Variants in PPP1R9A observed in about 807,000 individuals in gnomAD.
The protein encoded by PPP1R9A is protein phosphatase 1 regulatory subunit 9A.
PPP1R9A carries 59 observed loss-of-function variants against 141.9 expected under a neutral mutation model. The observed-to-expected ratio is 0.42, with a 90% CI of 0.34 to 0.52. The LOEUF (loss-of-function observed/expected upper bound fraction) is 0.52. Among genes scored for constraint, PPP1R9A ranks in the 20% least tolerant of loss-of-function variants. The pLI is 0.10. For synonymous variants in PPP1R9A, 500 were observed against 569.7 expected (o/e 0.88, Z 1.74); for missense variants, 1,444 against 1,611.9 (o/e 0.90, Z 1.78).
intron 4 of PPP1R9A, among the ~76,000 whole-genome samples, chr7:95,145,330 T>G (rs774049939): frequency 1.4e-4 from 21 of 152,298 alleles, no homozygotes; most frequent in African/African-American, 4.8e-4. Flanking sequence ...ATATTGTTAG[T>G]GGTGAAGACC....
At chr7:95,194,488 C>T (rs923227714) in intron 5 of PPP1R9A, among the ~76,000 whole-genome samples, 6 of 151,644 alleles carry the variant, frequency 4.0e-5, no homozygotes, top group African/African-American at 1.5e-4. Context: ...AATACATAGA[C>T]AAATAAATAG....
intron 2 of PPP1R9A, among the ~76,000 whole-genome samples, chr7:95,085,405 G>C (rs1006054132): frequency 7.4e-6 from 1 of 134,472 alleles, no homozygotes; most frequent in Non-Finnish European, 1.6e-5. Context: ...CAGCAAAAAA[G>C]AAAAAAAAAT....
intron 2 of PPP1R9A, among the ~76,000 whole-genome samples, chr7:95,049,220 T>G (rs751487057): frequency 8.5e-5 from 13 of 152,132 alleles, no homozygotes; most frequent in Non-Finnish European, 1.8e-4. Context: ...ACTTCCAGGC[T>G]CCATATATTA....
At chr7:95,024,179 G>C (rs1806451462) in intron 2 of PPP1R9A, among the ~76,000 whole-genome samples, 1 of 152,120 alleles carries the variant, frequency 6.6e-6, no homozygotes, top group Non-Finnish European at 1.5e-5. Flanking sequence ...TCCATTTGCT[G>C]AGGAGTGTTT....
chr7:95,233,847 A>C (rs1796313002), intron 8 of PPP1R9A, among the ~76,000 whole-genome samples: 3 of 152,232 alleles, frequency 2.0e-5, no homozygotes, highest in Admixed American at 2.0e-4. Context: ...AGTGGATTTC[A>C]TACCAGGGAT....
chr7:95,025,047 G>A (rs1396693155), intron 2 of PPP1R9A, among the ~76,000 whole-genome samples: 1 of 151,982 alleles, frequency 6.6e-6, no homozygotes, highest in Non-Finnish European at 1.5e-5. Flanking sequence ...GCTTAGTTTG[G>A]CTGGGTATGA....
chr7:94,942,753 A>G (rs1795471687), intron 2 of PPP1R9A, among the ~76,000 whole-genome samples: 1 of 151,866 alleles, frequency 6.6e-6, no homozygotes, highest in Non-Finnish European at 1.5e-5. Flanking sequence ...GCAGTGAGCC[A>G]AGATCGCACC....
intron 2 of PPP1R9A, among the ~76,000 whole-genome samples, chr7:94,976,744 C>T (rs760924666): frequency 4.6e-5 from 7 of 152,030 alleles, no homozygotes; most frequent in Non-Finnish European, 1.0e-4. Context: ...GATGGGATGG[C>T]TGTTATTTTG....
At chr7:95,019,888 C>T (rs553810423) in intron 2 of PPP1R9A, among the ~76,000 whole-genome samples, 16 of 152,218 alleles carry the variant, frequency 1.1e-4, no homozygotes, top group South Asian at 2.1e-4. Flanking sequence ...TGTGCCCATA[C>T]AGAAATTTGT....
At chr7:95,116,416 A>G (rs1166495134) in intron 3 of PPP1R9A, among the ~76,000 whole-genome samples, 9 of 152,168 alleles carry the variant, frequency 5.9e-5, no homozygotes, top group Non-Finnish European at 1.3e-4. Flanking sequence ...ATGTATAAAA[A>G]TCAATTTTTT....
At chr7:95,140,996 A>G (rs1164745683) in intron 4 of PPP1R9A, among the ~76,000 whole-genome samples, 1 of 152,218 alleles carries the variant, frequency 6.6e-6, no homozygotes, top group Admixed American at 6.5e-5. Context: ...CTAGGATTAC[A>G]GGCTTGAGCC....
At chr7:95,200,908 G>A (rs1346457839) in intron 6 of PPP1R9A, among the ~76,000 whole-genome samples, 1 of 152,126 alleles carries the variant, frequency 6.6e-6, no homozygotes, top group Non-Finnish European at 1.5e-5. Flanking sequence ...CCAGTAGCTG[G>A]CAGAGTTGAA....
rs35583144 is a variant in PPP1R9A at position 95,046,080 on chromosome 7, C to CTT, written c.1396-65164_1396-65163dup. 2.0e-3 allele frequency among the ~76,000 whole-genome samples: 245 copies of CTT among 124,872 alleles called. 3 individuals carry two copies. Among genetic ancestry groups the CTT allele is most frequent in the African/African-American group, 7.0e-3 (237 of 33,676 alleles). The allele number at this position is 124,872 out of a possible 152,430, so 81.9% of individuals were successfully genotyped here. ...ATTAAGATTAGGTAGTATTTCTTTT[C>CTT]TTTTTTTTTTTTTTTTGAGACAGAG... On this transcript the variant is annotated intron_variant, in intron 2 of 19. Coordinates refer to ENST00000433360, the MANE Select transcript of PPP1R9A (RefSeq NM_001166160.2).
intron 5 of PPP1R9A, among the ~76,000 whole-genome samples, chr7:95,176,936 A>C (rs1832992651): frequency 6.6e-6 from 1 of 152,196 alleles, no homozygotes; most frequent in Non-Finnish European, 1.5e-5. Flanking sequence ...ACGTTTGGAC[A>C]ACATATTTGG....
At chr7:95,192,596 A>T (rs1035040843) in intron 5 of PPP1R9A, among the ~76,000 whole-genome samples, 3 of 152,006 alleles carry the variant, frequency 2.0e-5, no homozygotes, top group Admixed American at 1.3e-4. Context: ...TTTTTTAAGG[A>T]TTATATAATA....
intron 9 of PPP1R9A, among the ~76,000 whole-genome samples, chr7:95,249,768 G>A (rs2153003819): frequency 6.6e-6 from 1 of 152,238 alleles, no homozygotes; most frequent in South Asian, 2.1e-4. Flanking sequence ...TGGTGTGATG[G>A]AAATATCGTG....
chr7:95,041,460 A>T (rs117658138), intron 2 of PPP1R9A, among the ~76,000 whole-genome samples: 206 of 152,302 alleles, frequency 1.4e-3, no homozygotes, highest in Non-Finnish European at 2.6e-3. Context: ...CATCTTGACA[A>T]TGTAAGTGTA....
chr7:95,284,227 C>A lies in PPP1R9A; in HGVS notation c.3506C>A (p.Thr1169Lys), dbSNP rs760155505. The A allele has an allele frequency of 1.3e-6, 2 of 1,567,338 alleles. No individual in the cohort carries two copies. Among genetic ancestry groups the A allele is most frequent in the Non-Finnish European group, 1.7e-6 (2 of 1,150,644 alleles). ...SDKKGSKVENTWITKANKRNP... is the reference protein window; with the variant it reads ...SDKKGSKVENKWITKANKRNP... ...AAAAAGGGGTCCAAGGTAGAAAACA[C>A]ATGGATTACAAAAGCAAACAAGAGA... The change falls in exon 17 of 20, where the codon ACA becomes AAA. Residue 1169 changes from threonine (T) to lysine (K), a missense_variant. Thr to Lys is a moderately conservative substitution (Grantham distance 78, BLOSUM62 -1). This residue lies in a region of PPP1R9A where 459 missense variants were observed against 513.8 expected (regional missense o/e 0.89). Transcript: ENST00000433360.
At chr7:95,149,339 G>T (rs547462649) in intron 4 of PPP1R9A, among the ~76,000 whole-genome samples, 1 of 152,014 alleles carries the variant, frequency 6.6e-6, no homozygotes, top group Non-Finnish European at 1.5e-5. Context: ...TTAGGAACTA[G>T]ACAATGATAT....
Sources: gnomAD v4.1 joint callset for allele counts (sites outside exome capture counted in the v4.1 genomes callset) on GRCh38, gnomAD v4.1.1 for gene constraint, gnomAD v4.1.1 regional missense constraint, MANE v1.5 for transcripts, NCBI Gene and HGNC (gene_info 2026-07-23, HGNC 2026-07-21) for gene names.